Variants in SLC25A18 observed in about 807,000 individuals in gnomAD.
SLC25A18 encodes the protein mitochondrial glutamate carrier 2.
Under a neutral mutation model 31.1 loss-of-function variants are expected in SLC25A18, and 24 were observed. That is an observed-to-expected ratio of 0.77 (90% confidence interval 0.56 to 1.08). SLC25A18 has a LOEUF of 1.08. Among genes scored for constraint, SLC25A18 ranks in the 50% least tolerant of loss-of-function variants. The pLI is 0.00. For missense variants in SLC25A18, 371 were observed against 418.5 expected (o/e 0.89, Z 0.99); for synonymous variants, 173 against 161.9 (o/e 1.07, Z -0.52).
Position 17,590,041 on chromosome 22 carries a change from G to A in SLC25A18, c.807-54G>A, listed in dbSNP as rs148919266. The A allele has an allele frequency of 2.2e-4, 350 of 1,608,034 alleles. No homozygotes were observed. The East Asian group carries it at 7.6e-3, about 35-fold the overall frequency. ...ACAAATGGAGAGGCTGCCACTGAGG[G>A]CTGCTTGCAGAATGCCCCTGCCCAT... On this transcript the variant is annotated intron_variant, in intron 10 of 10. Coordinates refer to ENST00000327451, the MANE Select transcript of SLC25A18 (RefSeq NM_031481.3).
chr22:17,583,836 C>T lies in SLC25A18; in HGVS notation c.409+302C>T, dbSNP rs147069717. On this transcript the variant is annotated intron_variant, in intron 7 of 10. Transcript: ENST00000327451. ...GTGCATGCCTATAATCCCAGCTACT[C>T]GGGAGGCTGAGGCAGGAGAATCACT... 7.6e-3 allele frequency among the ~76,000 whole-genome samples: 1,156 copies of T among 151,880 alleles called. 20 individuals carry two copies. The highest frequency in any genetic ancestry group is 0.027 in the African/African-American group (1,102 of 41,418).
rs574876757 is a variant in SLC25A18, at chr22:17,569,650, T to A, written c.-263-274T>A. The A allele has an allele frequency of 6.3e-5, 62 of 985,420 alleles. No homozygotes were observed. In the African/African-American group the frequency reaches 9.9e-4, roughly 16 times the overall value. The allele number at this position is 985,420 out of a possible 1,614,324, so 61.0% of individuals were successfully genotyped here. A position where few individuals can be genotyped will look rare whatever the true frequency, so the allele number is the denominator to read the frequency against. Reference sequence around the variant, plus strand: ...TCCCCTCACCCCCAAGCTGCCTTGTTAAAATCTTTTCCCAGCCTGGACTTT... The same window carrying A: ...TCCCCTCACCCCCAAGCTGCCTTGTAAAAATCTTTTCCCAGCCTGGACTTT... On this transcript the variant is annotated intron_variant, in intron 1 of 10. Transcript: ENST00000327451.
intron 2 of SLC25A18, among the ~76,000 whole-genome samples, chr22:17,579,274 A>G (rs1189847416): frequency 2.0e-5 from 3 of 151,972 alleles, no homozygotes; most frequent in African/African-American, 7.3e-5. Flanking sequence ...TTTAGTAGAG[A>G]TGGAGTTTCA....
chr22:17,580,077 A>G (rs2057333240), intron 3 of SLC25A18, 113 bp downstream of exon 3: 8 of 1,007,606 alleles, frequency 7.9e-6, no homozygotes, highest in Non-Finnish European at 9.0e-6. Context: ...GGGAAGAGCA[A>G]GACCCCTGTC....
intron 5 of SLC25A18, 158 bp downstream of exon 5, chr22:17,581,571 T>C: frequency 2.6e-6 from 2 of 768,012 alleles, no homozygotes; most frequent in Non-Finnish European, 4.2e-6. Flanking sequence ...CAGAGGCAGC[T>C]CTGGGTCCTG....
chr22:17,581,678 A>G (rs2057378997), intron 5 of SLC25A18: 1 of 501,808 alleles, frequency 2.0e-6, no homozygotes, highest in Admixed American at 3.5e-5. Flanking sequence ...CTGCCTGGCT[A>G]GAAGCGAAGA....
intron 1 of SLC25A18, among the ~76,000 whole-genome samples, chr22:17,568,210 C>A (rs1366597034): frequency 1.3e-5 from 2 of 151,500 alleles, no homozygotes; most frequent in Non-Finnish European, 1.5e-5. Context: ...TAAAAAAATA[C>A]AAAAAAGTTA....
chr22:17,574,260 T>C (rs1419447810), intron 2 of SLC25A18, among the ~76,000 whole-genome samples: 3 of 152,236 alleles, frequency 2.0e-5, no homozygotes, highest in Non-Finnish European at 4.4e-5. Flanking sequence ...TTCAGTGTTT[T>C]GTTACTGCCT....
chr22:17,578,753 C>T (rs541687356), intron 2 of SLC25A18, among the ~76,000 whole-genome samples: 26 of 152,232 alleles, frequency 1.7e-4, no homozygotes, highest in African/African-American at 5.5e-4. Context: ...TACAAAAATT[C>T]GCCCGGTGTG....
At chr22:17,584,168 C>T (rs940725827) in intron 7 of SLC25A18, 76 of 659,254 alleles carry the variant, frequency 1.2e-4, no homozygotes, top group Admixed American at 8.9e-4. Flanking sequence ...CCGAGGCGGG[C>T]GGATTATGAG....
At chr22:17,587,525 C>A (rs1266701930) in intron 8 of SLC25A18, among the ~76,000 whole-genome samples, 1 of 152,194 alleles carries the variant, frequency 6.6e-6, no homozygotes, top group Non-Finnish European at 1.5e-5. Flanking sequence ...TGACCAGGCC[C>A]ACAGGAAGGC....
chr22:17,566,411 ATTTTC>A (rs2056938077), intron 1 of SLC25A18, among the ~76,000 whole-genome samples: 1 of 142,758 alleles, frequency 7.0e-6, no homozygotes, highest in Non-Finnish European at 1.5e-5. Context: ...GCAGGCTGTC[ATTTTC>A]TTTTTTTTTT....
chr22:17,578,407 C>A lies in SLC25A18; in HGVS notation c.-200-1338C>A, dbSNP rs2057287530. 2.0e-5 allele frequency among the ~76,000 whole-genome samples: 3 copies of A among 152,354 alleles called. No individual in the cohort carries two copies. The South Asian group carries it at 6.2e-4, about 32-fold the overall frequency. On this transcript the variant is annotated intron_variant, in intron 2 of 10. Coordinates refer to ENST00000327451, the MANE Select transcript of SLC25A18 (RefSeq NM_031481.3). ...CCAAGAGAAAGACTAATGTCTCCCCCACCCCTCCTCTCTTTTCTTACCCAA... is the reference window on the plus strand; with the variant it reads ...CCAAGAGAAAGACTAATGTCTCCCCAACCCCTCCTCTCTTTTCTTACCCAA...
intron 2 of SLC25A18, among the ~76,000 whole-genome samples, chr22:17,577,216 G>A (rs914695281): frequency 6.6e-6 from 1 of 152,024 alleles, no homozygotes. Flanking sequence ...TAGAGACGGG[G>A]TTTCACCATG....
chr22:17,589,575 T>G lies in SLC25A18; in HGVS notation c.731-15T>G, dbSNP rs753133636. ...TAAGCTGTTCACTACTTACTTTAAC[T>G]TTTACTTGATTTAGTTCTGAAAACT... On this transcript the variant is annotated splice_polypyrimidine_tract_variant and intron_variant, in intron 9 of 10. Coordinates refer to ENST00000327451, the MANE Select transcript of SLC25A18 (RefSeq NM_031481.3). 95 of 1,604,164 alleles carry G rather than the reference T, an allele frequency of 5.9e-5. No homozygotes were observed. The highest frequency in any genetic ancestry group is 2.7e-5 in the Non-Finnish European group (32 of 1,171,328).
intron 1 of SLC25A18, among the ~76,000 whole-genome samples, chr22:17,564,707 A>T (rs926958950): frequency 6.6e-6 from 1 of 151,854 alleles, no homozygotes; most frequent in Non-Finnish European, 1.5e-5. Context: ...AAATACAAAA[A>T]ATTAGCCAGG....
intron 2 of SLC25A18, among the ~76,000 whole-genome samples, chr22:17,577,364 G>A (rs1043061206): frequency 6.7e-6 from 1 of 148,932 alleles, no homozygotes; most frequent in Non-Finnish European, 1.5e-5. Flanking sequence ...CTCCATGTTG[G>A]TCAGGCTGTT....
chr22:17,569,743 C>T, intron 1 of SLC25A18, 181 bp from the exon 2 acceptor site: 1 of 985,338 alleles, frequency 1.0e-6, no homozygotes, highest in African/African-American at 1.7e-5. Context: ...TGCAGCGTGG[C>T]TTGACTGGAT....
Position 17,590,383 on chromosome 22 carries a change from T to A in SLC25A18, c.*147T>A. Reference sequence around the variant, plus strand: ...ACCTCAATCTCGGGAGAAACAGCCCTATATTCTAACAAGTTGAGCACAGCC... The same window carrying A: ...ACCTCAATCTCGGGAGAAACAGCCCAATATTCTAACAAGTTGAGCACAGCC... On this transcript the variant is annotated 3_prime_UTR_variant, in exon 11 of 11. Coordinates refer to ENST00000327451, the MANE Select transcript of SLC25A18 (RefSeq NM_031481.3). 1 of 923,792 alleles carries A rather than the reference T, an allele frequency of 1.1e-6. No individual in the cohort carries two copies. Among genetic ancestry groups the A allele is most frequent in the Non-Finnish European group, 1.6e-6 (1 of 622,116 alleles). The allele number at this position is 923,792 out of a possible 1,614,324, so 57.2% of individuals were successfully genotyped here.
Sources: gnomAD v4.1 joint callset for allele counts (sites outside exome capture counted in the v4.1 genomes callset) on GRCh38, gnomAD v4.1.1 for gene constraint, MANE v1.5 for transcripts, NCBI Gene and HGNC (gene_info 2026-07-23, HGNC 2026-07-21) for gene names.